Variants in SPTLC3 observed in about 807,000 individuals in gnomAD.
The protein encoded by SPTLC3 is serine palmitoyltransferase long chain base subunit 3.
A neutral mutation model predicts 59.3 loss-of-function variants in SPTLC3; 36 were observed. The observed-to-expected ratio is 0.61, with a 90% CI of 0.47 to 0.80. The LOEUF (loss-of-function observed/expected upper bound fraction) is 0.80. SPTLC3 is among the 30% of genes least tolerant of loss of function. The pLI, the probability that SPTLC3 is intolerant of heterozygous loss-of-function variation, is 0.00. For synonymous variants in SPTLC3, 257 were observed against 240.8 expected (o/e 1.07, Z -0.62); for missense variants, 625 against 685.1 (o/e 0.91, Z 0.98).
In SPTLC3 at chr20:13,146,067, C is replaced by T. The variant is rs528032820; in HGVS notation, c.1280-7936C>T. ...CAGACTGAATAAAGAAAATTTGGTACATATACACCATGGAATACTATGCAG... is the reference window on the plus strand; with the variant it reads ...CAGACTGAATAAAGAAAATTTGGTATATATACACCATGGAATACTATGCAG... On this transcript the variant is annotated intron_variant, in intron 9 of 11. Coordinates refer to ENST00000399002, the MANE Select transcript of SPTLC3 (RefSeq NM_018327.4). Among the ~76,000 whole-genome samples the T allele has an allele frequency of 5.9e-5, 9 of 152,260 alleles. No individual in the cohort carries two copies. In the South Asian group the frequency reaches 1.0e-3, roughly 18 times the overall value.
chr20:13,015,932 T>C (rs1379881836), intron 1 of SPTLC3, among the ~76,000 whole-genome samples: 1 of 151,982 alleles, frequency 6.6e-6, no homozygotes, highest in African/African-American at 2.4e-5. Context: ...TCTGACTACA[T>C]AAAAATCAAA....
intron 4 of SPTLC3, among the ~76,000 whole-genome samples, chr20:13,090,053 T>C (rs979412705): frequency 1.3e-5 from 2 of 152,210 alleles, no homozygotes; most frequent in Admixed American, 6.5e-5. Flanking sequence ...ACTAACCACA[T>C]GTAGCTGGTG....
intron 6 of SPTLC3, among the ~76,000 whole-genome samples, chr20:13,099,748 T>G (rs535195077): frequency 2.6e-5 from 4 of 152,334 alleles, no homozygotes; most frequent in African/African-American, 9.6e-5. Context: ...TGCTCTGCTA[T>G]TCCCAAGATA....
intron 4 of SPTLC3, among the ~76,000 whole-genome samples, chr20:13,085,048 G>A (rs1325019550): frequency 3.3e-5 from 5 of 152,110 alleles, no homozygotes; most frequent in Admixed American, 6.5e-5. Flanking sequence ...CCAAAAAGCA[G>A]GTTGATTTGT....
chr20:13,132,413 G>A (rs1181376122), intron 9 of SPTLC3, among the ~76,000 whole-genome samples: 1 of 152,034 alleles, frequency 6.6e-6, no homozygotes, highest in Non-Finnish European at 1.5e-5. Context: ...CCGACCTCAA[G>A]TAGTCCACCC....
intron 4 of SPTLC3, among the ~76,000 whole-genome samples, chr20:13,082,050 G>A (rs1462237922): frequency 6.6e-6 from 1 of 152,170 alleles, no homozygotes; most frequent in African/African-American, 2.4e-5. Context: ...TTCTGCAAGT[G>A]TAGAATTTAG....
At chr20:13,018,696 G>T (rs537349277) in intron 1 of SPTLC3, among the ~76,000 whole-genome samples, 46 of 152,198 alleles carry the variant, frequency 3.0e-4, no homozygotes, top group African/African-American at 1.1e-3. Context: ...AAGCTTCCTG[G>T]AAAAATTTTC....
chr20:13,105,008 T>TA lies in SPTLC3; in HGVS notation c.827-5096dup, dbSNP rs201071760. On this transcript the variant is annotated intron_variant, in intron 6 of 11. Transcript: ENST00000399002. ...AGTGCCTTAATAAGCATCATTATTT[T>TA]AAAAAAAATCCCTTGCAGATGTAAG... is the stretch of plus-strand genomic sequence containing the variant. Among the ~76,000 whole-genome samples, 941 of 152,136 alleles carry TA rather than the reference T, an allele frequency of 6.2e-3. 7 individuals are homozygous for TA. Among genetic ancestry groups the TA allele is most frequent in the African/African-American group, 0.02 (850 of 41,486 alleles).
At chr20:13,154,330 A>G (rs997083266) in intron 10 of SPTLC3, among the ~76,000 whole-genome samples, 192 bp downstream of exon 10, 75 of 152,224 alleles carry the variant, frequency 4.9e-4, no homozygotes, top group African/African-American at 1.8e-3. Flanking sequence ...AAGGGAACCA[A>G]AGGTGCTGAG....
intron 11 of SPTLC3, among the ~76,000 whole-genome samples, chr20:13,163,237 A>G (rs2038928729): frequency 3.3e-5 from 5 of 151,894 alleles, no homozygotes; most frequent in Admixed American, 3.3e-4. Flanking sequence ...GCGTAGTAGC[A>G]TGTGCCTGTA....
In SPTLC3 at chr20:13,121,720, T is replaced by G. The variant is rs2037871444; in HGVS notation, c.1152+3995T>G. The stretch of plus-strand genomic sequence containing the variant: ...CAGGAATCAAGGCTCTCCCTGACAC[T>G]CTCCAGAAGTTACTCAAAGAGCTCC... On this transcript the variant is annotated intron_variant, in intron 8 of 11. Transcript: ENST00000399002. 2.6e-5 allele frequency among the ~76,000 whole-genome samples: 4 copies of G among 152,092 alleles called. No individual in the cohort carries two copies. The South Asian group carries it at 8.3e-4, about 32-fold the overall frequency.
intron 1 of SPTLC3, among the ~76,000 whole-genome samples, chr20:13,015,904 A>G (rs571880714): frequency 6.6e-6 from 1 of 152,254 alleles, no homozygotes; most frequent in East Asian, 1.9e-4. Flanking sequence ...CAGGAGCCAT[A>G]AAACAGGAGG....
chr20:13,011,186 G>A (rs534810973), intron 1 of SPTLC3, among the ~76,000 whole-genome samples: 24 of 152,242 alleles, frequency 1.6e-4, no homozygotes, highest in Admixed American at 4.6e-4. Context: ...GGCAAACGAG[G>A]GCTTATTGTC....
chr20:13,159,900 G>GAAAAAA, intron 10 of SPTLC3, 103 bp from the exon 11 acceptor site: 1 of 1,410,910 alleles, frequency 7.1e-7, no homozygotes, highest in Non-Finnish European at 9.4e-7. Flanking sequence ...AAAGAAAAAA[G>GAAAAAA]AAAAAAGAAA....
At chr20:13,031,339 C>T (rs553105488) in intron 1 of SPTLC3, among the ~76,000 whole-genome samples, 32 of 152,224 alleles carry the variant, frequency 2.1e-4, no homozygotes, top group Middle Eastern at 3.4e-3. Context: ...ATGTAACTAA[C>T]GACATATGGC....
At chr20:13,055,740 A>G (rs1439021441) in intron 2 of SPTLC3, among the ~76,000 whole-genome samples, 4 of 152,146 alleles carry the variant, frequency 2.6e-5, no homozygotes, top group African/African-American at 9.7e-5. Context: ...GCCTGAATGC[A>G]GGAAGGTTAT....
Position 13,167,058 on chromosome 20 carries a change from T to C in SPTLC3, c.*2191T>C, listed in dbSNP as rs1005091364. ...TTGAATATACAGGTATGAGAACAAC[T>C]GTTGATATACAGGTATAATCCAAGT... On this transcript the variant is annotated 3_prime_UTR_variant, in exon 12 of 12. Transcript: ENST00000399002. 5.9e-5 allele frequency: 9 copies of C among 152,154 alleles called. No homozygotes were observed. The highest frequency in any genetic ancestry group is 1.7e-4 in the African/African-American group (7 of 41,430). The allele number at this position is 152,154 out of a possible 1,614,324, so 9.4% of individuals were successfully genotyped here.
chr20:13,035,350 C>A (rs7269739), intron 1 of SPTLC3, among the ~76,000 whole-genome samples: 3,442 of 152,236 alleles, frequency 0.023, 63 homozygotes, highest in African/African-American at 0.059. Context: ...TAGATTTCAG[C>A]GGCCTGAACA....
intron 2 of SPTLC3, among the ~76,000 whole-genome samples, chr20:13,069,168 T>C (rs985540539): frequency 5.9e-5 from 9 of 152,134 alleles, no homozygotes; most frequent in East Asian, 3.9e-4. Flanking sequence ...TAGTTTTCCA[T>C]ATCACGGGCC....
Sources: allele counts gnomAD v4.1 joint callset (sites outside exome capture counted in the v4.1 genomes callset), GRCh38; gene constraint gnomAD v4.1.1; transcripts MANE v1.5; gene names NCBI Gene and HGNC (gene_info 2026-07-23, HGNC 2026-07-21).